DOCK8: variants seen among roughly 807,000 people sequenced by gnomAD.
The protein encoded by DOCK8 is dedicator of cytokinesis protein 8.
Under a neutral mutation model 245.6 loss-of-function variants are expected in DOCK8, and 141 were observed. That is an observed-to-expected ratio of 0.57 (90% CI 0.50 to 0.66). The LOEUF is 0.66. Ranked by LOEUF, DOCK8 falls within the 30% of genes least tolerant of loss-of-function variation. The probability of loss-of-function intolerance (pLI) is 0.00; values close to 1 mark genes in which losing one functional copy is unlikely to be tolerated. For missense variants in DOCK8, 2,965 were observed against 2,603.4 expected (o/e 1.14, Z -3.02); for synonymous variants, 1,168 against 970.2 (o/e 1.20, Z -3.79).
intron 36 of DOCK8, among the ~76,000 whole-genome samples, chr9:430,264 C>T (rs1195096221): frequency 6.6e-6 from 1 of 152,018 alleles, no homozygotes; most frequent in African/African-American, 2.4e-5. Flanking sequence ...ATCCAAGCTA[C>T]TTGGGAGGCT....
Position 374,451 on chromosome 9 carries a change from G to GT in DOCK8, c.2110-1758dup, listed in dbSNP as rs1563980130. Among the ~76,000 whole-genome samples, 69 of 83,546 alleles carry GT rather than the reference G, an allele frequency of 8.3e-4. 1 individual carries two copies. Among genetic ancestry groups the GT allele is most frequent in the South Asian group, 2.3e-3 (5 of 2,162 alleles). The allele number at this position is 83,546 out of a possible 152,430, so 54.8% of individuals were successfully genotyped here. On this transcript the variant is annotated intron_variant, in intron 18 of 47. Transcript: ENST00000432829. ...AATATTACTTTCACATGGTCCTTTT[G>GT]TGTTTTTTTTTTTTTTTTTTTTTTT...
intron 6 of DOCK8, among the ~76,000 whole-genome samples, chr9:313,596 T>G (rs1188411109): frequency 1.3e-5 from 2 of 152,200 alleles, no homozygotes; most frequent in Non-Finnish European, 2.9e-5. Flanking sequence ...AAGGTGGTTA[T>G]AGCAGGGGCT....
At chr9:214,813 C>T (rs1331268854), upstream of DOCK8, 3 of 1,594,500 alleles carry the variant, frequency 1.9e-6, no homozygotes, top group Admixed American at 3.4e-5. Context: ...GACCCTCCCC[C>T]GGGGTGATTT....
intron 19 of DOCK8, 69 bp from the exon 20 acceptor site, chr9:376,908 G>T (rs962933498): frequency 2.9e-6 from 4 of 1,365,092 alleles, no homozygotes; most frequent in Non-Finnish European, 4.1e-6. Context: ...CTATTCGATT[G>T]TGTTTGTGAA....
At chr9:269,737 T>G (rs961494653) in intron 1 of DOCK8, among the ~76,000 whole-genome samples, 1 of 152,010 alleles carries the variant, frequency 6.6e-6, no homozygotes, top group African/African-American at 2.4e-5. Context: ...TTTGTATTTT[T>G]AGTAGAGATG....
rs76108846 is a variant in DOCK8 at position 421,633 on chromosome 9, G to A, written c.4154-415G>A. Among the ~76,000 whole-genome samples the A allele has an allele frequency of 1.1e-3, 162 of 152,278 alleles. 3 individuals carry two copies. In the East Asian group the frequency reaches 0.03, roughly 29 times the overall value. On this transcript the variant is annotated intron_variant, in intron 32 of 47. Coordinates refer to ENST00000432829, the MANE Select transcript of DOCK8 (RefSeq NM_203447.4). ...AGGTACCCTCAGTCTTATTCACCAT[G>A]CTCAAAGTAAAACAGAGTGACAGCT...
intron 1 of DOCK8, chr9:268,116 G>T (rs1021231983): frequency 6.6e-6 from 1 of 152,170 alleles, no homozygotes; most frequent in Non-Finnish European, 1.5e-5. Flanking sequence ...TGTGTGTAGG[G>T]CCTCACTAGA....
intron 23 of DOCK8, among the ~76,000 whole-genome samples, chr9:389,758 G>T (rs1003046774): frequency 6.6e-6 from 1 of 152,118 alleles, no homozygotes; most frequent in African/African-American, 2.4e-5. Context: ...GCTCACACCC[G>T]TAATCCCAGC....
At chr9:370,367 C>T (rs2053230751) in intron 16 of DOCK8, 67 bp downstream of exon 16, 2 of 1,457,906 alleles carry the variant, frequency 1.4e-6, no homozygotes, top group Non-Finnish European at 9.6e-7. Context: ...TTTTCCAAGT[C>T]CCGTGGGTGG....
At chr9:330,474 A>G (rs1014256384) in intron 9 of DOCK8, among the ~76,000 whole-genome samples, 1 of 152,172 alleles carries the variant, frequency 6.6e-6, no homozygotes, top group Non-Finnish European at 1.5e-5. Flanking sequence ...ATTCAAAGAA[A>G]TGGGTTCAAA....
chr9:257,629 C>T (rs528019193), intron 1 of DOCK8, among the ~76,000 whole-genome samples: 1 of 152,326 alleles, frequency 6.6e-6, no homozygotes, highest in African/African-American at 2.4e-5. Context: ...AAGCGATTCT[C>T]CTGCCTCAGC....
chr9:249,961 C>A (rs141337973), intron 1 of DOCK8, among the ~76,000 whole-genome samples: 2,993 of 152,194 alleles, frequency 0.02, 37 homozygotes, highest in Middle Eastern at 0.075. Context: ...TCTGGACAAT[C>A]CCTAACAGTC....
At chr9:270,198 G>A (rs1474291739) in intron 1 of DOCK8, among the ~76,000 whole-genome samples, 1 of 152,174 alleles carries the variant, frequency 6.6e-6, no homozygotes, top group African/African-American at 2.4e-5. Context: ...AGAAAACGCT[G>A]TAGAAAATTA....
rs988173801 is a variant in DOCK8 at position 390,508 on chromosome 9, G to A, written c.2912G>A (p.Ser971Asn). Residue 971 changes from serine (S) to asparagine (N), a missense_variant, in exon 24 of 48, where the codon AGC becomes AAC. Around this residue, in one of 3 missense-constraint regions of DOCK8, gnomAD observed 2,825 missense variants for 2,453.5 expected, o/e 1.15. Coordinates refer to ENST00000432829, the MANE Select transcript of DOCK8 (RefSeq NM_203447.4). ...GAGCTTGCCCTTCAGATGGTGGTCA[G>A]CACCGGAATGGTGAGAGAAACAGTC... ...HEELALQMVVSTGMVRETVFK... is the reference protein window; with the variant it reads ...HEELALQMVVNTGMVRETVFK... 1 of 1,614,206 alleles carries A rather than the reference G, an allele frequency of 6.2e-7. No homozygotes were observed. The highest frequency in any genetic ancestry group is 8.5e-7 in the Non-Finnish European group (1 of 1,180,020).
chr9:256,064 C>T (rs961642349), intron 1 of DOCK8, among the ~76,000 whole-genome samples: 1 of 152,214 alleles, frequency 6.6e-6, no homozygotes, highest in Non-Finnish European at 1.5e-5. Flanking sequence ...ATCACACTAA[C>T]ATGACCAACT....
chr9:400,263 C>G (rs1220419958), intron 26 of DOCK8, among the ~76,000 whole-genome samples: 1 of 94,514 alleles, frequency 1.1e-5, no homozygotes, highest in Non-Finnish European at 2.2e-5. Context: ...TCACCACCAC[C>G]TCCACCATCA....
intron 1 of DOCK8, among the ~76,000 whole-genome samples, chr9:231,835 A>G (rs529613215): frequency 6.6e-6 from 1 of 152,184 alleles, no homozygotes; most frequent in Non-Finnish European, 1.5e-5. Context: ...AAATCATGTC[A>G]TCTGCAAACA....
intron 28 of DOCK8, among the ~76,000 whole-genome samples, chr9:411,056 A>G (rs1315968463): frequency 1.3e-5 from 2 of 152,256 alleles, no homozygotes; most frequent in African/African-American, 4.8e-5. Context: ...ATAGACCTAC[A>G]GAAGTAAAAA....
At chr9:403,711 A>G (rs1472671677) in intron 26 of DOCK8, among the ~76,000 whole-genome samples, 1 of 151,486 alleles carries the variant, frequency 6.6e-6, no homozygotes, top group Non-Finnish European at 1.5e-5. Flanking sequence ...TAAAAATACA[A>G]AAAATTAGCT....
Sources: allele counts gnomAD v4.1 joint callset (sites outside exome capture counted in the v4.1 genomes callset), GRCh38; gene constraint gnomAD v4.1.1; regional missense constraint gnomAD v4.1.1; transcripts MANE v1.5; gene names NCBI Gene and HGNC (gene_info 2026-07-23, HGNC 2026-07-21).